The following NAV3 variants were observed in gnomAD, a reference collection of about 807,000 sequenced individuals.
The protein encoded by NAV3 is neuron navigator 3, also known as pore membrane and/or filament interacting like protein 1.
A neutral mutation model predicts 244.7 loss-of-function variants in NAV3; 87 were observed. The observed-to-expected ratio is 0.36, with a 90% CI of 0.30 to 0.42. The LOEUF (loss-of-function observed/expected upper bound fraction) is 0.42. NAV3 is among the 20% of genes least tolerant of loss of function. The pLI is 1.00. For missense variants in NAV3, 2,663 were observed against 2,893.3 expected (o/e 0.92, Z 1.83); for synonymous variants, 1,126 against 1,042.2 (o/e 1.08, Z -1.55).
chr12:77,633,233 A>C (rs1871994831), intron 2 of NAV3, among the ~76,000 whole-genome samples: 1 of 152,134 alleles, frequency 6.6e-6, no homozygotes, highest in Non-Finnish European at 1.5e-5. Context: ...TACTCCTGTA[A>C]ATCCGTAAAT....
intron 5 of NAV3, among the ~76,000 whole-genome samples, chr12:77,974,977 G>C (rs998838009): frequency 6.0e-5 from 9 of 151,230 alleles, no homozygotes; most frequent in Admixed American, 1.3e-4. Flanking sequence ...CCTCATTACT[G>C]TTCTCCCTTT....
chr12:78,099,670 A>G (rs1282070829), intron 12 of NAV3, among the ~76,000 whole-genome samples: 1 of 151,944 alleles, frequency 6.6e-6, no homozygotes, highest in Non-Finnish European at 1.5e-5. Context: ...CAACTATATA[A>G]CAGCATCTTT....
intron 12 of NAV3, among the ~76,000 whole-genome samples, chr12:78,064,429 G>GT (rs1566082235): frequency 0.015 from 1,810 of 122,044 alleles, 18 homozygotes; most frequent in Middle Eastern, 0.038. Flanking sequence ...CTGTCTGTCT[G>GT]CCTGCCTGCC....
chr12:77,727,204 T>C (rs957656203), intron 2 of NAV3, among the ~76,000 whole-genome samples: 1 of 151,822 alleles, frequency 6.6e-6, no homozygotes, highest in Non-Finnish European at 1.5e-5. Context: ...GCTGTTATAG[T>C]GGGAGGACTG....
chr12:78,137,471 A>C (rs1956423719), intron 19 of NAV3, 106 bp downstream of exon 19: 1 of 1,125,398 alleles, frequency 8.9e-7, no homozygotes. Context: ...AAAATAAACT[A>C]GTGTAATTAT....
At chr12:77,828,845 G>C (rs955196915), upstream of NAV3, among the ~76,000 whole-genome samples, 3 of 151,898 alleles carry the variant, frequency 2.0e-5, no homozygotes, top group African/African-American at 7.3e-5. Context: ...AATTGTTCCA[G>C]GAATTACGAT....
In NAV3 at chr12:77,985,631, C is replaced by T. The variant is rs556947031; in HGVS notation, c.672-9172C>T. On this transcript the variant is annotated intron_variant, in intron 5 of 39. Transcript: ENST00000397909. The stretch of plus-strand genomic sequence containing the variant: ...ATTTTCTTTTCATACACTACACGAG[C>T]GATGTTCAACCTCATTTTCCCACAC... Among the ~76,000 whole-genome samples, 12 of 152,006 alleles carry T rather than the reference C, an allele frequency of 7.9e-5. No homozygotes were observed. In the East Asian group the frequency reaches 1.2e-3, roughly 15 times the overall value.
intron 2 of NAV3, among the ~76,000 whole-genome samples, chr12:77,784,464 G>T (rs1380957708): frequency 6.6e-6 from 1 of 152,224 alleles, no homozygotes; most frequent in African/African-American, 2.4e-5. Flanking sequence ...TTGAAAGACT[G>T]TGAAATTGAG....
intron 1 of NAV3, among the ~76,000 whole-genome samples, chr12:77,899,064 T>C (rs898699039): frequency 2.0e-5 from 3 of 152,220 alleles, no homozygotes; most frequent in African/African-American, 7.2e-5. Context: ...ACTGACCTGC[T>C]GCAACCTCAT....
intron 2 of NAV3, among the ~76,000 whole-genome samples, chr12:77,616,136 G>A (rs1871134931): frequency 6.6e-6 from 1 of 152,072 alleles, no homozygotes; most frequent in Non-Finnish European, 1.5e-5. Flanking sequence ...GGCCAGGCAT[G>A]GTGGCTCACT....
chr12:77,996,882 C>G (rs1226710364), intron 6 of NAV3, among the ~76,000 whole-genome samples: 1 of 152,142 alleles, frequency 6.6e-6, no homozygotes, highest in African/African-American at 2.4e-5. Flanking sequence ...GTGACATTCA[C>G]ATGGTGGCAG....
At chr12:78,199,106 A>G (rs1959334206) in intron 36 of NAV3, 3 of 616,600 alleles carry the variant, frequency 4.9e-6, no homozygotes, top group Non-Finnish European at 9.1e-6. Context: ...CTTCTGACGC[A>G]CATGAGCTTC....
At chr12:78,102,890 G>C (rs986906769) in intron 12 of NAV3, among the ~76,000 whole-genome samples, 1 of 152,080 alleles carries the variant, frequency 6.6e-6, no homozygotes, top group Non-Finnish European at 1.5e-5. Context: ...CACAGTATGG[G>C]CACCCTGGGC....
chr12:77,891,632 A>G (rs757363467), intron 1 of NAV3, among the ~76,000 whole-genome samples: 2 of 152,202 alleles, frequency 1.3e-5, no homozygotes, highest in Non-Finnish European at 2.9e-5. Context: ...TAAAAAATGT[A>G]CTCGGTCATA....
chr12:77,659,794 G>A (rs1209566130), intron 2 of NAV3, among the ~76,000 whole-genome samples: 1 of 152,142 alleles, frequency 6.6e-6, no homozygotes, highest in Non-Finnish European at 1.5e-5. Flanking sequence ...AAAATGATGA[G>A]TTCATGTCCT....
intron 2 of NAV3, among the ~76,000 whole-genome samples, chr12:77,680,210 AC>A (rs2137111992): frequency 6.6e-6 from 1 of 152,254 alleles, no homozygotes; most frequent in East Asian, 1.9e-4. Flanking sequence ...CAGAACAGAC[AC>A]TTTTATGCCT....
chr12:77,963,313 T>C (rs1274508466), intron 3 of NAV3, among the ~76,000 whole-genome samples: 4 of 152,250 alleles, frequency 2.6e-5, no homozygotes, highest in Admixed American at 1.3e-4. Flanking sequence ...AATATCATTT[T>C]ATCATTAAAA....
intron 9 of NAV3, among the ~76,000 whole-genome samples, chr12:78,027,751 A>G (rs1484730647): frequency 6.6e-6 from 1 of 152,212 alleles, no homozygotes; most frequent in East Asian, 1.9e-4. Context: ...CAGAATGGAC[A>G]TGCCAATGGC....
At chr12:77,616,726 G>GCACACACACA (rs201827482) in intron 2 of NAV3, among the ~76,000 whole-genome samples, 2 of 148,434 alleles carry the variant, frequency 1.3e-5, no homozygotes, top group African/African-American at 5.1e-5. Flanking sequence ...CTACACACAG[G>GCACACACACA]CGCGCACACA....
Sources: gnomAD v4.1 joint callset for allele counts (sites outside exome capture counted in the v4.1 genomes callset) on GRCh38, gnomAD v4.1.1 for gene constraint, MANE v1.5 for transcripts, NCBI Gene and HGNC (gene_info 2026-07-23, HGNC 2026-07-21) for gene names.